The following ARSH variants were observed in gnomAD, a reference collection of about 807,000 sequenced individuals.
ARSH encodes the protein arylsulfatase family member H, also known as arylsulfatase H.
In ARSH, 32 loss-of-function variants were observed where a neutral mutation model predicts 28.7. The ratio of observed to expected loss-of-function variants is 1.11; its 90% CI spans 0.84 to 1.50. The LOEUF is 1.50. ARSH is among the 40% of genes most tolerant of loss of function. ARSH has a pLI of 0.00. For synonymous variants in ARSH, 176 were observed against 177.3 expected, an observed-to-expected ratio of 0.99 and a Z score of 0.06; for missense variants, 440 against 452.4, an observed-to-expected ratio of 0.97 and a Z score of 0.25.
At chrX:3,029,069 C>T (rs2147461596) in intron 7 of ARSH, among the ~76,000 whole-genome samples, 178 bp from the exon 8 acceptor site, 1 of 98,949 alleles carries the variant, frequency 1.0e-5, no homozygotes, top group Admixed American at 1.1e-4. Flanking sequence ...CAGAGCAAGA[C>T]TCCATTTCAA....
At chrX:3,020,269 C>T (rs1182851573) in intron 5 of ARSH, among the ~76,000 whole-genome samples, 14 of 68,210 alleles carry the variant, frequency 2.1e-4, no homozygotes, top group East Asian at 8.4e-4. Context: ...TCCAAGACCC[C>T]GTCTCAAAAA....
rs369890612 is a variant in ARSH, at chrX:3,018,244, C to T, written c.765-290C>T. ...ACACTCCTGGGCTCATGCAATGCTC[C>T]TGCCTCAGCCTCCCAAAGTGCAAAG... On this transcript the variant is annotated intron_variant, in intron 4 of 8. Transcript: ENST00000381130. Among the ~76,000 whole-genome samples the T allele has an allele frequency of 4.8e-4, 54 of 111,978 alleles. 1 individual carries two copies. In the South Asian group the frequency reaches 0.018, roughly 37 times the overall value.
intron 3 of ARSH, 58 bp downstream of exon 3, chrX:3,013,230 G>A (rs892886569): frequency 8.7e-7 from 1 of 1,147,626 alleles, no homozygotes; most frequent in African/African-American, 1.8e-5. Context: ...CTGTCATCGT[G>A]TCTAAGGTGT....
Position 3,020,334 on chromosome X carries a change from A to C in ARSH, c.901+1664A>C, listed in dbSNP as rs750953073. On this transcript the variant is annotated intron_variant, in intron 5 of 8. Transcript: ENST00000381130. ...GCCGAGTGCGGTGGCTCACGCCTGT[A>C]ATCCCAGCACTTTGGGAGGCCGAGG... 2.8e-3 allele frequency among the ~76,000 whole-genome samples: 291 copies of C among 104,471 alleles called. 1 individual carries two copies. The highest frequency in any genetic ancestry group is 5.0e-3 in the Middle Eastern group (1 of 202). 90.7% of individuals were successfully genotyped at this position (104,471 alleles called of 115,157 possible).
chrX:3,010,133 C>T lies in ARSH; in HGVS notation c.196C>T (p.Arg66Trp), dbSNP rs148749736. ...TPSRAAFLTG[R>W]YPIRSGMVSA... ...AAGTCGGGCTGCCTTCCTGACCGGCCGGTACCCCATCAGATCAGGTGAGGC... is the reference window on the plus strand; with the variant it reads ...AAGTCGGGCTGCCTTCCTGACCGGCTGGTACCCCATCAGATCAGGTGAGGC... The change falls in exon 2 of 9, where the codon CGG (arginine) becomes TGG (tryptophan). Residue 66 changes from arginine (R) to tryptophan (W), a missense_variant. By Grantham distance (101) the Arg-to-Trp change is moderately radical. Transcript: ENST00000381130. 1.7e-4 allele frequency: 207 copies of T among 1,209,371 alleles called. No homozygotes were observed. The highest frequency in any genetic ancestry group is 6.9e-4 in the Middle Eastern group (3 of 4,349).
chrX:3,007,090 A>G (rs181512459), intron 1 of ARSH, among the ~76,000 whole-genome samples: 340 of 108,941 alleles, frequency 3.1e-3, no homozygotes, highest in African/African-American at 0.011. Context: ...AAAATAATAA[A>G]AAAAAAAATC....
intron 1 of ARSH, among the ~76,000 whole-genome samples, chrX:3,009,644 A>AAGAG (rs1381289679): frequency 9.1e-6 from 1 of 110,084 alleles, no homozygotes; most frequent in Non-Finnish European, 1.9e-5. Context: ...GCAACAGAGC[A>AAGAG]AGAGACTGTC....
At chrX:3,021,612 C>T (rs945242482) in intron 5 of ARSH, among the ~76,000 whole-genome samples, 7 of 110,805 alleles carry the variant, frequency 6.3e-5, no homozygotes, top group African/African-American at 2.3e-4. Flanking sequence ...GCAAATACAA[C>T]GTGCAAAATG....
intron 1 of ARSH, among the ~76,000 whole-genome samples, chrX:3,007,666 T>C (rs777980255): frequency 1.1e-4 from 12 of 109,187 alleles, no homozygotes; most frequent in Non-Finnish European, 2.1e-4. Flanking sequence ...GTCTGTGTCC[T>C]CATCTCTTCT....
chrX:3,027,148 C>T (rs770449481), intron 6 of ARSH, among the ~76,000 whole-genome samples, 165 bp from the exon 7 acceptor site: 3 of 111,629 alleles, frequency 2.7e-5, no homozygotes, highest in African/African-American at 3.2e-5. Context: ...TTAGCAGAGA[C>T]GGGGTTTCAC....
At chrX:3,014,938 G>A in intron 3 of ARSH, 32 bp from the exon 4 acceptor site, 1 of 1,182,244 alleles carries the variant, frequency 8.5e-7, no homozygotes, top group African/African-American at 1.7e-5. Flanking sequence ...ATGCTGCCAT[G>A]CTGCCATGGT....
chrX:3,029,592 G>A (rs1027766994), intron 8 of ARSH, among the ~76,000 whole-genome samples: 4 of 111,620 alleles, frequency 3.6e-5, no homozygotes, highest in Non-Finnish European at 5.6e-5. Context: ...GTACAGTGGC[G>A]CAATCTCGGC....
chrX:3,022,387 A>G (rs906070274), intron 5 of ARSH, among the ~76,000 whole-genome samples: 8 of 112,145 alleles, frequency 7.1e-5, no homozygotes, highest in Admixed American at 5.8e-4. Context: ...TTCTAATTAT[A>G]GCATTTCTAA....
At chrX:3,023,860 TAGTA>T (rs2089891215) in intron 5 of ARSH, among the ~76,000 whole-genome samples, 157 bp from the exon 6 acceptor site, 1 of 109,975 alleles carries the variant, frequency 9.1e-6, no homozygotes, top group Non-Finnish European at 1.9e-5. Context: ...CAGTTTAAAA[TAGTA>T]TGTATTACAA....
Position 3,007,342 on chromosome X carries a change from C to T in ARSH, c.92+638C>T, listed in dbSNP as rs753145333. Among the ~76,000 whole-genome samples, 529 of 109,174 alleles carry T rather than the reference C, an allele frequency of 4.8e-3. 4 individuals are homozygous for T. The highest frequency in any genetic ancestry group is 0.017 in the African/African-American group (517 of 30,528). 94.8% of individuals were successfully genotyped at this position (109,174 alleles called of 115,157 possible). ...CAGTGTTGGACAACCGTCACCCCCA[C>T]AAAGAAGACCCCCATTTCCCATCCT... On this transcript the variant is annotated intron_variant, in intron 1 of 8. Transcript: ENST00000381130.
chrX:3,024,417 C>T (rs996560068), intron 6 of ARSH, among the ~76,000 whole-genome samples: 1 of 110,772 alleles, frequency 9.0e-6, no homozygotes, highest in African/African-American at 3.3e-5. Flanking sequence ...TCCCAGCCTC[C>T]GCACGATTGA....
At chrX:3,031,997 G>T (rs775938714) in intron 8 of ARSH, among the ~76,000 whole-genome samples, 22 of 111,960 alleles carry the variant, frequency 2.0e-4, no homozygotes, top group South Asian at 1.1e-3. Flanking sequence ...AGGCGGTAAA[G>T]AATCCAGTTA....
intron 1 of ARSH, among the ~76,000 whole-genome samples, chrX:3,007,734 T>C (rs192754584): frequency 4.0e-4 from 42 of 104,103 alleles, no homozygotes; most frequent in African/African-American, 1.4e-3. Flanking sequence ...ATAGACTGGG[T>C]GGCTTAGAAA....
At chrX:3,025,055 T>C (rs910980722) in intron 6 of ARSH, among the ~76,000 whole-genome samples, 1 of 110,293 alleles carries the variant, frequency 9.1e-6, no homozygotes, top group Admixed American at 9.9e-5. Flanking sequence ...AATCACTATG[T>C]ATATAAATTC....
Sources: allele counts gnomAD v4.1 joint callset (sites outside exome capture counted in the v4.1 genomes callset), GRCh38; gene constraint gnomAD v4.1.1; transcripts MANE v1.5; gene names NCBI Gene and HGNC (gene_info 2026-07-23, HGNC 2026-07-21).